CALB1: variants seen among roughly 807,000 people sequenced by gnomAD.
CALB1 encodes the protein calbindin 1, also known as calbindin.
In CALB1, 16 loss-of-function variants were observed where a neutral mutation model predicts 46.7. The observed-to-expected ratio is 0.34, with a 90% CI of 0.23 to 0.52. CALB1 has a LOEUF of 0.52. Among genes scored for constraint, CALB1 ranks in the 20% least tolerant of loss-of-function variants. The pLI is 0.95. For missense variants in CALB1, 224 were observed against 300.3 expected, an observed-to-expected ratio of 0.75 and a Z score of 1.88; for synonymous variants, 90 against 112.8, an observed-to-expected ratio of 0.80 and a Z score of 1.28.
chr8:90,074,632 AT>A (rs1238276441), intron 3 of CALB1, among the ~76,000 whole-genome samples: 1 of 152,202 alleles, frequency 6.6e-6, no homozygotes, highest in Non-Finnish European at 1.5e-5. Flanking sequence ...TATATTCACT[AT>A]GGCTAAACTC....
intron 3 of CALB1, among the ~76,000 whole-genome samples, chr8:90,074,066 GAAGT>G (rs1814579130): frequency 6.6e-6 from 1 of 151,928 alleles, no homozygotes; most frequent in Admixed American, 6.6e-5. Context: ...TAGCCAGTGA[GAAGT>G]GAGTCCAGGA....
At chr8:90,062,896 G>T in intron 9 of CALB1, 2 of 480,386 alleles carry the variant, frequency 4.2e-6, no homozygotes, top group Non-Finnish European at 7.4e-6. Context: ...GTTATTGCCA[G>T]GGCTGGGGGA....
At chr8:90,070,814 C>T (rs1245178042) in intron 3 of CALB1, among the ~76,000 whole-genome samples, 1 of 150,250 alleles carries the variant, frequency 6.7e-6, no homozygotes, top group East Asian at 2.0e-4. Flanking sequence ...GCTTTTGGTA[C>T]ATAAACACAT....
intron 3 of CALB1, among the ~76,000 whole-genome samples, chr8:90,070,667 G>T (rs534030847): frequency 3.8e-4 from 58 of 152,182 alleles, no homozygotes; most frequent in Middle Eastern, 3.4e-3. Flanking sequence ...ATGTCAACAT[G>T]TTTAATATGA....
At chr8:90,074,016 A>T (rs1417128485) in intron 3 of CALB1, among the ~76,000 whole-genome samples, 1 of 148,168 alleles carries the variant, frequency 6.7e-6, no homozygotes, top group Non-Finnish European at 1.5e-5. Flanking sequence ...CCAAGCATTC[A>T]TTTTTTTTTT....
At chr8:90,069,391 A>C (rs1018396555) in intron 3 of CALB1, among the ~76,000 whole-genome samples, 154 bp from the exon 4 acceptor site, 1 of 152,122 alleles carries the variant, frequency 6.6e-6, no homozygotes, top group Non-Finnish European at 1.5e-5. Context: ...CCTTTCTGGT[A>C]CTTTCCTATG....
intron 6 of CALB1, among the ~76,000 whole-genome samples, chr8:90,065,231 CT>C (rs752925178): frequency 4.0e-5 from 6 of 148,598 alleles, no homozygotes; most frequent in Admixed American, 6.8e-5. Flanking sequence ...TTTATCTGCT[CT>C]TTTTTTTTTC....
intron 3 of CALB1, among the ~76,000 whole-genome samples, chr8:90,075,234 C>A (rs547630097): frequency 3.9e-5 from 6 of 152,178 alleles, no homozygotes; most frequent in Non-Finnish European, 2.9e-5. Context: ...TGAAAGTTAA[C>A]CATTACATTT....
intron 3 of CALB1, among the ~76,000 whole-genome samples, chr8:90,070,914 A>ACTTCTGTGACCTT (rs1320882627): frequency 2.0e-5 from 3 of 151,480 alleles, no homozygotes; most frequent in Non-Finnish European, 4.4e-5. Flanking sequence ...CTCAGGACAT[A>ACTTCTGTGACCTT]CTTCTGTGAC....
chr8:90,079,800 A>C (rs10755930), intron 2 of CALB1, among the ~76,000 whole-genome samples: 113,205 of 151,844 alleles, frequency 0.75, 42,396 homozygotes, highest in African/African-American at 0.81. Flanking sequence ...TGTTATATTT[A>C]ATTAATGTTA....
At chr8:90,065,816 T>C in intron 6 of CALB1, 82 bp downstream of exon 6, 1 of 851,922 alleles carries the variant, frequency 1.2e-6, no homozygotes, top group Admixed American at 1.9e-5. Flanking sequence ...ATTTATTTCA[T>C]CCTGTGTAGC....
intron 2 of CALB1, among the ~76,000 whole-genome samples, chr8:90,080,615 T>C (rs986200981): frequency 1.1e-4 from 16 of 151,964 alleles, no homozygotes; most frequent in African/African-American, 2.9e-4. Flanking sequence ...GTGGAGAGTA[T>C]ATAAAACATT....
At chr8:90,060,367 G>C (rs1814274412) in intron 10 of CALB1, 81 bp from the exon 11 acceptor site, 2 of 871,820 alleles carry the variant, frequency 2.3e-6, no homozygotes, top group Non-Finnish European at 1.9e-6. Flanking sequence ...AATGTGAGAT[G>C]AAACTACTTG....
chr8:90,064,523 C>T (rs1348953621), intron 6 of CALB1: 3 of 151,722 alleles, frequency 2.0e-5, no homozygotes, highest in African/African-American at 7.2e-5. Flanking sequence ...TCAGGCCAAT[C>T]CAACAGAGGG....
intron 3 of CALB1, among the ~76,000 whole-genome samples, chr8:90,071,195 T>C (rs1306159772): frequency 6.6e-6 from 1 of 152,212 alleles, no homozygotes; most frequent in Non-Finnish European, 1.5e-5. Flanking sequence ...AATTTGTTGG[T>C]GATTTTTACA....
rs542245420 is a variant in CALB1, at chr8:90,065,973, G to A, written c.375C>T (p.Asn125=). 4 of 1,601,602 alleles carry A rather than the reference G, an allele frequency of 2.5e-6. No individual in the cohort carries two copies. The Admixed American group carries it at 6.7e-5, about 27-fold the overall frequency. ...SGFIETEELK[N]FLKDLLEKAN... ...CTTTTTCTAGCAGGTCCTTTAGAAA[G>A]TTCTGTTAAAACAAAGAACACTTAG... Residue 125 remains asparagine, a splice_region_variant and synonymous_variant, in exon 6 of 11, where the codon AAC becomes AAT. Coordinates refer to ENST00000265431, the MANE Select transcript of CALB1 (RefSeq NM_004929.4).
intron 3 of CALB1, among the ~76,000 whole-genome samples, chr8:90,070,473 A>C (rs1218324363): frequency 6.6e-6 from 1 of 152,196 alleles, no homozygotes; most frequent in Non-Finnish European, 1.5e-5. Flanking sequence ...TCATTTAAAA[A>C]TTTAATATTT....
intron 2 of CALB1, chr8:90,081,395 G>A (rs1020400644): frequency 3.1e-6 from 2 of 645,098 alleles, no homozygotes; most frequent in Non-Finnish European, 3.9e-6. Flanking sequence ...TCACTGTTAG[G>A]TTGCAAGTTG....
chr8:90,071,321 G>A (rs1347453605), intron 3 of CALB1, among the ~76,000 whole-genome samples: 1 of 152,086 alleles, frequency 6.6e-6, no homozygotes, highest in Non-Finnish European at 1.5e-5. Flanking sequence ...GCTCCTAGTG[G>A]AAAGTAGCTA....
Sources: allele counts gnomAD v4.1 joint callset (sites outside exome capture counted in the v4.1 genomes callset), GRCh38; gene constraint gnomAD v4.1.1; transcripts MANE v1.5; gene names NCBI Gene and HGNC (gene_info 2026-07-23, HGNC 2026-07-21).